GNGT2: variants seen among roughly 807,000 people sequenced by gnomAD.
GNGT2 encodes guanine nucleotide-binding protein G(I)/G(S)/G(O) subunit gamma-T2.
A neutral mutation model predicts 3.5 loss-of-function variants in GNGT2; 4 were observed. The ratio of observed to expected loss-of-function variants is 1.13; its 90% CI spans 0.56 to 2.59. The LOEUF (loss-of-function observed/expected upper bound fraction) is 2.59, where lower values mean the gene tolerates loss of function less well. GNGT2 is among the 30% of genes most tolerant of loss of function. The pLI is 0.02. For synonymous variants in GNGT2, 31 were observed against 29.5 expected (o/e 1.05, Z -0.17); for missense variants, 64 against 81.2 (o/e 0.79, Z 0.82).
At chr17:49,208,329 C>T (rs553853509) in intron 2 of GNGT2, among the ~76,000 whole-genome samples, 3 of 151,380 alleles carry the variant, frequency 2.0e-5, no homozygotes, top group Admixed American at 6.6e-5. Context: ...GGCGTGGTGG[C>T]GGGCACCTGT....
chr17:49,206,681 C>T lies in GNGT2; in HGVS notation c.*76G>A. ...CTGTGATGAAGAGAAGGTGACAGTT[C>T]ACTGGCTCCCTGGGGGTCTAGGAGA... On this transcript the variant is annotated 3_prime_UTR_variant, in exon 4 of 4. Transcript: ENST00000507680. 1 of 1,389,178 alleles carries T rather than the reference C, an allele frequency of 7.2e-7. No homozygotes were observed. The highest frequency in any genetic ancestry group is 9.9e-7 in the Non-Finnish European group (1 of 1,010,086). 86.1% of individuals were successfully genotyped at this position (1,389,178 alleles called of 1,614,324 possible).
chr17:49,207,219 G>T, intron 3 of GNGT2, 120 bp downstream of exon 3: 1 of 808,724 alleles, frequency 1.2e-6, no homozygotes, highest in Non-Finnish European at 2.2e-6. Context: ...CATCCCAGAG[G>T]TACCTCCTGC....
chr17:49,208,982 G>C (rs2043132102), intron 1 of GNGT2, 28 bp from the exon 2 acceptor site: 1 of 152,228 alleles, frequency 6.6e-6, no homozygotes, highest in Admixed American at 6.5e-5. Flanking sequence ...TGATGCCTAA[G>C]CTGATCATAG....
intron 1 of GNGT2, chr17:49,209,358 G>C (rs915585043): frequency 1.3e-5 from 2 of 152,242 alleles, no homozygotes; most frequent in Non-Finnish European, 2.9e-5. Flanking sequence ...TTCACCTTAC[G>C]AAGTTCTCCT....
intron 3 of GNGT2, 63 bp from the exon 4 acceptor site, chr17:49,206,945 G>A (rs1598232054): frequency 6.3e-7 from 1 of 1,588,118 alleles, no homozygotes; most frequent in Non-Finnish European, 8.6e-7. Context: ...GATTTGGTCA[G>A]TGCCAGAAAA....
At chr17:49,207,709 G>A (rs1350566706) in intron 2 of GNGT2, among the ~76,000 whole-genome samples, 1 of 152,134 alleles carries the variant, frequency 6.6e-6, no homozygotes, top group East Asian at 1.9e-4. Flanking sequence ...TGTCTATAGA[G>A]GCATCTGTCT....
intron 3 of GNGT2, 61 bp downstream of exon 3, chr17:49,207,278 T>A: frequency 8.1e-7 from 1 of 1,240,132 alleles, no homozygotes; most frequent in South Asian, 1.2e-5. Flanking sequence ...GGTCACTTCC[T>A]CCTTCCCGGG....
Position 49,206,710 on chromosome 17 carries a change from G to C in GNGT2, c.*47C>G. On this transcript the variant is annotated 3_prime_UTR_variant, in exon 4 of 4. Coordinates refer to ENST00000507680, the MANE Select transcript of GNGT2 (RefSeq NM_001198754.2). Reference sequence around the variant, plus strand: ...GGCTCCCTGGGGGTCTAGGAGACTTGGGCTTGGCTGAAGAGGGACAGACAC... The same window carrying C: ...GGCTCCCTGGGGGTCTAGGAGACTTCGGCTTGGCTGAAGAGGGACAGACAC... 6.4e-7 allele frequency: 1 copy of C among 1,574,094 alleles called. No individual in the cohort carries two copies. Among genetic ancestry groups the C allele is most frequent in the Non-Finnish European group, 8.6e-7 (1 of 1,160,776 alleles).
In GNGT2 at chr17:49,206,900, A is replaced by G. The variant is rs111300830; in HGVS notation, c.85-18T>C. 5.0e-6 allele frequency: 8 copies of G among 1,613,952 alleles called. No homozygotes were observed. The highest frequency in any genetic ancestry group is 2.7e-5 in the African/African-American group (2 of 75,020). ...TTGGAAATCTGCGAGAACACAAAAA[A>G]TGTTTTAGGTCCTTGTTACTGTCTC... is the stretch of plus-strand genomic sequence containing the variant. On this transcript the variant is annotated intron_variant, in intron 3 of 3. Transcript: ENST00000507680.
Position 49,206,527 on chromosome 17 carries a change from C to G in GNGT2, c.*230G>C. Reference sequence around the variant, plus strand: ...GGGGCCAACCGCTCGGCCAGCCACACTGTCCTCAGAGTGTTCCCAGCAAGG... The same window carrying G: ...GGGGCCAACCGCTCGGCCAGCCACAGTGTCCTCAGAGTGTTCCCAGCAAGG... On this transcript the variant is annotated 3_prime_UTR_variant, in exon 4 of 4. Transcript: ENST00000507680. 8.0e-6 allele frequency: 4 copies of G among 500,726 alleles called. No individual in the cohort carries two copies. Among genetic ancestry groups the G allele is most frequent in the Non-Finnish European group, 3.5e-6 (1 of 287,708 alleles). The allele number at this position is 500,726 out of a possible 1,614,324, so 31.0% of individuals were successfully genotyped here.
At chr17:49,208,461 C>CAAA (rs549993684) in intron 2 of GNGT2, among the ~76,000 whole-genome samples, 1 of 124,196 alleles carries the variant, frequency 8.1e-6, no homozygotes, top group African/African-American at 3.0e-5. Context: ...GACTCCATCT[C>CAAA]AAAAAAAAAA....
intron 3 of GNGT2, among the ~76,000 whole-genome samples, chr17:49,207,128 A>G (rs575639348): frequency 6.6e-6 from 1 of 152,174 alleles, no homozygotes; most frequent in African/African-American, 2.4e-5. Flanking sequence ...TGAGCTCTCC[A>G]AGGCCCTGAA....
At position 49,207,330 on chromosome 17, in the gene GNGT2, G is replaced by T. The variant is rs1461370726; in HGVS notation, c.84+9C>A. 12 of 1,596,126 alleles carry T rather than the reference G, an allele frequency of 7.5e-6. No individual in the cohort carries two copies. The highest frequency in any genetic ancestry group is 1.0e-5 in the Non-Finnish European group (12 of 1,163,582). ...AAGGGAAGAGCAGGGACGGGGCGAG[G>T]AGGCTCACCGGAATTCTTGTGTTTT... On this transcript the variant is annotated intron_variant, in intron 3 of 3. Transcript: ENST00000507680.
At chr17:49,207,318 G>T in intron 3 of GNGT2, 21 bp downstream of exon 3, 2 of 1,560,896 alleles carry the variant, frequency 1.3e-6, no homozygotes, top group Non-Finnish European at 1.8e-6. Context: ...GGAAGAGCAG[G>T]GACGGGGCGA....
Position 49,210,441 on chromosome 17 carries a change from G to A in GNGT2, c.-133+3C>T, listed in dbSNP as rs1044298351. The A allele has an allele frequency of 9.6e-6, 3 of 312,180 alleles. No homozygotes were observed. Among genetic ancestry groups the A allele is most frequent in the East Asian group, 5.4e-5 (1 of 18,516 alleles). 19.3% of individuals were successfully genotyped at this position (312,180 alleles called of 1,614,324 possible). ...ACCAGGGAGCAATCACAGCTGCCCC[G>A]ACCTTGGCTTCCTCTGCTGGGTGGG... is the stretch of plus-strand genomic sequence containing the variant. On this transcript the variant is annotated splice_donor_region_variant and intron_variant, in intron 1 of 3. Coordinates refer to ENST00000507680, the MANE Select transcript of GNGT2 (RefSeq NM_001198754.2). The surrounding 1 kb of genome is among the most constrained non-coding windows in gnomAD (Gnocchi z 4.2).
At chr17:49,209,572 G>C (rs539043567) in intron 1 of GNGT2, among the ~76,000 whole-genome samples, 1 of 152,252 alleles carries the variant, frequency 6.6e-6, no homozygotes, top group South Asian at 2.1e-4. Context: ...CCACCCAAGG[G>C]CTATGCCATT....
chr17:49,206,549 A>G lies in GNGT2; in HGVS notation c.*208T>C, dbSNP rs564544093. The G allele has an allele frequency of 1.2e-4, 66 of 551,432 alleles. No individual in the cohort carries two copies. The African/African-American group carries it at 1.2e-3, about 10-fold the overall frequency. The allele number at this position is 551,432 out of a possible 1,614,324, so 34.2% of individuals were successfully genotyped here. On this transcript the variant is annotated 3_prime_UTR_variant, in exon 4 of 4. Coordinates refer to ENST00000507680, the MANE Select transcript of GNGT2 (RefSeq NM_001198754.2). ...ACACTGTCCTCAGAGTGTTCCCAGC[A>G]AGGTCAGCAGAGACCCAGCAGGTGG...
chr17:49,206,821 A>G lies in GNGT2; in HGVS notation c.146T>C (p.Phe49Ser). 1 of 1,613,806 alleles carries G rather than the reference A, an allele frequency of 6.2e-7. No individual in the cohort carries two copies. The highest frequency in any genetic ancestry group is 8.5e-7 in the Non-Finnish European group (1 of 1,179,816). The change falls in exon 4 of 4, where the codon TTT (phenylalanine) becomes TCT (serine). Residue 49 changes from phenylalanine (F) to serine (S), a missense_variant. Physicochemically the swap from Phe to Ser is radical, Grantham distance 155. Transcript: ENST00000507680. ...YVEAQAGNDP[F>S]LKGIPEDKNP... ...CTTGTCCTCAGGGATGCCTTTGAGA[A>G]AAGGATCGTTTCCTGCTTGGGCCTC... is the stretch of plus-strand genomic sequence containing the variant.
rs549993684 is a variant in GNGT2 at position 49,208,461 on chromosome 17, C to CAA, written c.-23+382_-23+383dup. On this transcript the variant is annotated intron_variant, in intron 2 of 3. Transcript: ENST00000507680. The stretch of plus-strand genomic sequence containing the variant: ...AGGCGACAAGAGTGAGACTCCATCT[C>CAA]AAAAAAAAAAAAAAGAGAGAGAGAG... Among the ~76,000 whole-genome samples, 249 of 124,216 alleles carry CAA rather than the reference C, an allele frequency of 2.0e-3. 2 individuals are homozygous for CAA. Among genetic ancestry groups the CAA allele is most frequent in the Non-Finnish European group, 3.2e-3 (187 of 57,926 alleles). 81.5% of individuals were successfully genotyped at this position (124,216 alleles called of 152,430 possible).
Sources: allele counts gnomAD v4.1 joint callset (sites outside exome capture counted in the v4.1 genomes callset), GRCh38; gene constraint gnomAD v4.1.1; non-coding constraint Gnocchi (gnomAD v3.1); transcripts MANE v1.5; gene names NCBI Gene and HGNC (gene_info 2026-07-23, HGNC 2026-07-21).